Variants in ALCAM observed in about 807,000 individuals in gnomAD.
ALCAM encodes the protein CD166 antigen.
A neutral mutation model predicts 70.9 loss-of-function variants in ALCAM; 30 were observed. The observed-to-expected ratio is 0.42, with a 90% CI of 0.32 to 0.57. The LOEUF is 0.57. ALCAM is among the 20% of genes least tolerant of loss of function. The pLI is 0.11. For synonymous variants in ALCAM, 249 were observed against 242.5 expected (o/e 1.03, Z -0.25); for missense variants, 591 against 695.1 (o/e 0.85, Z 1.68).
rs566952177 is a variant in ALCAM at position 105,556,378 on chromosome 3, T to C, written c.1664+3793T>C. Reference sequence around the variant, plus strand: ...AACATCTGTAATCTCAAAATAGTCATTGTGTAAATCTTGGAAACTTACTGA... The same window carrying C: ...AACATCTGTAATCTCAAAATAGTCACTGTGTAAATCTTGGAAACTTACTGA... On this transcript the variant is annotated intron_variant, in intron 14 of 15. Coordinates refer to ENST00000306107, the MANE Select transcript of ALCAM (RefSeq NM_001627.4). Among the ~76,000 whole-genome samples the C allele has an allele frequency of 5.9e-5, 9 of 152,210 alleles. 1 individual carries two copies. Among genetic ancestry groups the C allele is most frequent in the Admixed American group, 2.0e-4 (3 of 15,282 alleles).
chr3:105,480,810 G>T (rs1431065807), intron 1 of ALCAM, among the ~76,000 whole-genome samples: 1 of 152,082 alleles, frequency 6.6e-6, no homozygotes, highest in East Asian at 1.9e-4. Context: ...TCCATGTTGG[G>T]AAATGCTTAC....
At chr3:105,432,891 A>T (rs1023419651) in intron 1 of ALCAM, among the ~76,000 whole-genome samples, 1 of 152,160 alleles carries the variant, frequency 6.6e-6, no homozygotes, top group Admixed American at 6.5e-5. Flanking sequence ...TGTTCTAATC[A>T]TATTCTGTGA....
At chr3:105,475,659 G>T (rs1938089010) in intron 1 of ALCAM, among the ~76,000 whole-genome samples, 2 of 151,894 alleles carry the variant, frequency 1.3e-5, no homozygotes, top group Non-Finnish European at 2.9e-5. Context: ...CAAAACATTT[G>T]ATTATTTGAA....
intron 1 of ALCAM, among the ~76,000 whole-genome samples, chr3:105,402,942 T>TCCC: frequency 7.5e-6 from 1 of 133,004 alleles, no homozygotes; most frequent in Middle Eastern, 4.2e-3. Flanking sequence ...GATGCGCTTT[T>TCCC]TTTTTTTTTT....
At chr3:105,539,060 C>G (rs1477499715) in intron 6 of ALCAM, among the ~76,000 whole-genome samples, 1 of 151,976 alleles carries the variant, frequency 6.6e-6, no homozygotes, top group African/African-American at 2.4e-5. Context: ...TTTTTAGTGC[C>G]ACCAGTTTGG....
intron 1 of ALCAM, among the ~76,000 whole-genome samples, chr3:105,495,211 A>G (rs1480010377): frequency 6.6e-6 from 1 of 152,210 alleles, no homozygotes; most frequent in African/African-American, 2.4e-5. Flanking sequence ...GGCACTGCAT[A>G]TGATACCACA....
At chr3:105,466,050 C>G (rs868029079) in intron 1 of ALCAM, among the ~76,000 whole-genome samples, 1 of 151,454 alleles carries the variant, frequency 6.6e-6, no homozygotes, top group African/African-American at 2.4e-5. Flanking sequence ...TCCTTATACA[C>G]AGTTTCTATT....
chr3:105,403,090 A>G (rs1424939715), intron 1 of ALCAM, among the ~76,000 whole-genome samples: 1 of 151,700 alleles, frequency 6.6e-6, no homozygotes, highest in Non-Finnish European at 1.5e-5. Context: ...GGGATTGCAG[A>G]TGCCCGCCAC....
At chr3:105,378,236 A>G (rs2053305) in intron 1 of ALCAM, among the ~76,000 whole-genome samples, 145,516 of 151,898 alleles carry the variant, frequency 0.96, 69,810 homozygotes, top group East Asian at 1. Context: ...ATATATATAT[A>G]GTTTTGAAAA....
chr3:105,507,461 C>A (rs1188418173), intron 1 of ALCAM, among the ~76,000 whole-genome samples: 1 of 152,196 alleles, frequency 6.6e-6, no homozygotes. Flanking sequence ...AACCACTGGT[C>A]TCTTTACTAT....
At chr3:105,561,461 G>C (rs1940630244) in intron 14 of ALCAM, among the ~76,000 whole-genome samples, 1 of 152,072 alleles carries the variant, frequency 6.6e-6, no homozygotes, top group South Asian at 2.1e-4. Context: ...TCCAGTCTTA[G>C]AGGGGAAATT....
intron 1 of ALCAM, among the ~76,000 whole-genome samples, chr3:105,493,063 G>T (rs994252997): frequency 3.9e-5 from 6 of 152,040 alleles, no homozygotes; most frequent in African/African-American, 1.2e-4. Flanking sequence ...TAAATATTAG[G>T]TGTACATTTT....
chr3:105,407,143 C>T (rs928871723), intron 1 of ALCAM, among the ~76,000 whole-genome samples: 2 of 151,992 alleles, frequency 1.3e-5, no homozygotes, highest in Admixed American at 1.3e-4. Context: ...GAATTGGCAC[C>T]AATCCTAATG....
chr3:105,490,343 A>G (rs1938546533), intron 1 of ALCAM, among the ~76,000 whole-genome samples: 1 of 152,226 alleles, frequency 6.6e-6, no homozygotes, highest in Non-Finnish European at 1.5e-5. Context: ...TTAACCGTTA[A>G]GGAAAGAAAC....
chr3:105,524,245 C>T (rs1333613766), intron 2 of ALCAM, 44 bp from the exon 3 acceptor site: 2 of 1,462,428 alleles, frequency 1.4e-6, no homozygotes, highest in African/African-American at 2.9e-5. Flanking sequence ...CCTGAAACAT[C>T]TGAATATGCT....
At chr3:105,377,647 G>T (rs1259036778) in intron 1 of ALCAM, among the ~76,000 whole-genome samples, 1 of 151,972 alleles carries the variant, frequency 6.6e-6, no homozygotes, top group Non-Finnish European at 1.5e-5. Context: ...TATTATACAT[G>T]AGATTGGGCC....
intron 1 of ALCAM, among the ~76,000 whole-genome samples, chr3:105,392,186 A>G (rs1345863578): frequency 6.6e-6 from 1 of 151,846 alleles, no homozygotes; most frequent in African/African-American, 2.4e-5. Flanking sequence ...TCAGCTGTAA[A>G]TCCTTCTGGT....
intron 1 of ALCAM, among the ~76,000 whole-genome samples, chr3:105,435,165 A>AT (rs577128125): frequency 3.7e-4 from 57 of 152,296 alleles, no homozygotes; most frequent in Non-Finnish European, 5.9e-4. Flanking sequence ...TAAAATATGT[A>AT]TTTTTTTATC....
intron 3 of ALCAM, chr3:105,525,241 G>A (rs1939670314): frequency 1.0e-6 from 1 of 985,036 alleles, no homozygotes; most frequent in Non-Finnish European, 1.2e-6. Context: ...AGAGAAAATT[G>A]TAGAAGAAAC....
Sources: gnomAD v4.1 joint callset for allele counts (sites outside exome capture counted in the v4.1 genomes callset) on GRCh38, gnomAD v4.1.1 for gene constraint, MANE v1.5 for transcripts, NCBI Gene and HGNC (gene_info 2026-07-23, HGNC 2026-07-21) for gene names.